Variants in TENM3 observed in about 807,000 individuals in gnomAD.
TENM3 encodes the protein teneurin transmembrane protein 3.
TENM3 carries 63 observed loss-of-function variants against 255.1 expected under a neutral mutation model. The observed-to-expected ratio is 0.25, with a 90% CI of 0.20 to 0.30. The LOEUF is 0.30. Ranked by LOEUF, TENM3 falls within the 10% of genes least tolerant of loss-of-function variation. The pLI is 1.00. For missense variants in TENM3, 2,929 were observed against 3,461.1 expected (o/e 0.85, Z 3.86); for synonymous variants, 1,306 against 1,322.3 (o/e 0.99, Z 0.27).
intron 1 of TENM3, among the ~76,000 whole-genome samples, chr4:182,199,506 AG>A (rs1478307496): frequency 6.6e-6 from 1 of 152,144 alleles, no homozygotes; most frequent in Non-Finnish European, 1.5e-5. Flanking sequence ...GTGGTTAGCG[AG>A]GAAGATTAAA....
At chr4:181,765,158 T>TC in the TENM3 span, among the ~76,000 whole-genome samples, 1 of 152,250 alleles carries the variant, frequency 6.6e-6, no homozygotes, top group Admixed American at 6.5e-5. Context: ...TTTGTGTTTT[T>TC]CCCAACAAAT....
the TENM3 span, among the ~76,000 whole-genome samples, chr4:181,964,962 C>T: frequency 3.9e-5 from 6 of 152,116 alleles, no homozygotes; most frequent in Admixed American, 1.3e-4. Flanking sequence ...TCTTGACAAT[C>T]TAAAGTGTCT....
chr4:182,078,896 G>C, the TENM3 span, among the ~76,000 whole-genome samples: 4 of 152,184 alleles, frequency 2.6e-5, no homozygotes, highest in Non-Finnish European at 5.9e-5. Context: ...AAGGAAGAGA[G>C]AGTTTACATA....
At chr4:181,995,438 A>G in the TENM3 span, among the ~76,000 whole-genome samples, 1 of 152,216 alleles carries the variant, frequency 6.6e-6, no homozygotes, top group Admixed American at 6.5e-5. Context: ...GAAAATGTGT[A>G]TGTGAAAGCA....
intron 3 of TENM3, among the ~76,000 whole-genome samples, chr4:182,530,742 G>C (rs1739699835): frequency 6.6e-6 from 1 of 152,200 alleles, no homozygotes; most frequent in African/African-American, 2.4e-5. Context: ...ATCTGTTTTG[G>C]AGGTAGAATT....
At chr4:181,641,632 A>G in the TENM3 span, among the ~76,000 whole-genome samples, 1 of 49,058 alleles carries the variant, frequency 2.0e-5, no homozygotes, top group Non-Finnish European at 4.4e-5. Flanking sequence ...GTGTGTGTAT[A>G]TATATATAAT....
the TENM3 span, among the ~76,000 whole-genome samples, chr4:181,639,941 C>T: frequency 2.6e-5 from 4 of 152,126 alleles, no homozygotes; most frequent in African/African-American, 2.4e-5. Context: ...TGCCAAGTGC[C>T]GTTTACAATG....
chr4:182,779,891 C>T (rs1259607757), intron 24 of TENM3, among the ~76,000 whole-genome samples: 1 of 152,132 alleles, frequency 6.6e-6, no homozygotes, highest in Non-Finnish European at 1.5e-5. Flanking sequence ...CCTTCGCCCA[C>T]TTTTTGATGG....
chr4:181,769,818 T>C, the TENM3 span, among the ~76,000 whole-genome samples: 1 of 152,222 alleles, frequency 6.6e-6, no homozygotes, highest in African/African-American at 2.4e-5. Flanking sequence ...TTATTGCATG[T>C]TTAATCATTT....
Position 182,684,439 on chromosome 4 carries a change from CAA to C in TENM3, c.2035+2440_2035+2441del, listed in dbSNP as rs397996500. 4.7e-4 allele frequency among the ~76,000 whole-genome samples: 33 copies of C among 69,948 alleles called. 1 individual carries two copies. The highest frequency in any genetic ancestry group is 1.1e-3 in the Admixed American group (5 of 4,536). 45.9% of individuals were successfully genotyped at this position (69,948 alleles called of 152,430 possible). On this transcript the variant is annotated intron_variant, in intron 11 of 27. Coordinates refer to ENST00000511685, the MANE Select transcript of TENM3 (RefSeq NM_001080477.4). Reference sequence around the variant, plus strand: ...TTCAAATTTTGGACTGGCCCCATCACAAAAAAAAAAAAAAAATTTGGACTGGC... The same window carrying C: ...TTCAAATTTTGGACTGGCCCCATCACAAAAAAAAAAAAAATTTGGACTGGC...
At chr4:181,843,716 CTTTT>C in the TENM3 span, among the ~76,000 whole-genome samples, 4 of 104,696 alleles carry the variant, frequency 3.8e-5, no homozygotes, top group African/African-American at 7.1e-5. Flanking sequence ...TAAGGGCCTT[CTTTT>C]TTTTTTTTTT....
intron 24 of TENM3, among the ~76,000 whole-genome samples, chr4:182,788,006 G>A (rs1359730520): frequency 1.3e-5 from 2 of 152,146 alleles, no homozygotes; most frequent in Non-Finnish European, 2.9e-5. Context: ...AAATATATAT[G>A]ATGTATGTAT....
the TENM3 span, among the ~76,000 whole-genome samples, chr4:181,500,041 T>G: frequency 6.7e-6 from 1 of 148,746 alleles, no homozygotes; most frequent in East Asian, 2.0e-4. Context: ...ATCCACTTTT[T>G]TTTTGAGACA....
At chr4:181,478,395 C>T in the TENM3 span, among the ~76,000 whole-genome samples, 1 of 152,098 alleles carries the variant, frequency 6.6e-6, no homozygotes, top group Non-Finnish European at 1.5e-5. Context: ...GGTAATGTTG[C>T]TGCTACTCCT....
chr4:181,464,001 A>C, the TENM3 span, among the ~76,000 whole-genome samples: 3 of 152,286 alleles, frequency 2.0e-5, no homozygotes, highest in East Asian at 5.8e-4. Flanking sequence ...TTTATTGGCA[A>C]ACAATACTCC....
At chr4:181,659,330 C>A in the TENM3 span, among the ~76,000 whole-genome samples, 4 of 151,990 alleles carry the variant, frequency 2.6e-5, no homozygotes, top group South Asian at 8.3e-4. Flanking sequence ...CTACTTTGAC[C>A]GCTTTACTTT....
intron 22 of TENM3, among the ~76,000 whole-genome samples, chr4:182,757,311 CAAAAAAA>C (rs10571604): frequency 9.3e-5 from 5 of 53,618 alleles, no homozygotes; most frequent in African/African-American, 1.6e-4. Context: ...GACTCCGTCT[CAAAAAAA>C]AAAAAAAAAA....
the TENM3 span, among the ~76,000 whole-genome samples, chr4:181,948,637 C>T: frequency 1.8e-4 from 28 of 152,184 alleles, no homozygotes; most frequent in Non-Finnish European, 3.2e-4. Context: ...AGGCTGATCT[C>T]GAACTCCTGA....
At chr4:182,574,295 T>C (rs887914328) in intron 3 of TENM3, among the ~76,000 whole-genome samples, 18 of 152,124 alleles carry the variant, frequency 1.2e-4, no homozygotes, top group African/African-American at 4.3e-4. Context: ...CATGGCTTTA[T>C]TATTTATTAT....
Sources: gnomAD v4.1 joint callset for allele counts (sites outside exome capture counted in the v4.1 genomes callset) on GRCh38, gnomAD v4.1.1 for gene constraint, MANE v1.5 for transcripts, NCBI Gene and HGNC (gene_info 2026-07-23, HGNC 2026-07-21) for gene names.